Variants in NFIB observed in about 807,000 individuals in gnomAD.
The protein encoded by NFIB is nuclear factor 1 B-type.
A neutral mutation model predicts 61.5 loss-of-function variants in NFIB; 11 were observed. That is an observed-to-expected ratio of 0.18 (90% CI 0.11 to 0.30). The LOEUF (loss-of-function observed/expected upper bound fraction) is 0.30, where lower values mean the gene tolerates loss of function less well. Among genes scored for constraint, NFIB ranks in the 10% least tolerant of loss-of-function variants. The pLI, the probability that NFIB is intolerant of heterozygous loss-of-function variation, is 1.00. For missense variants in NFIB, 471 were observed against 608.9 expected, an observed-to-expected ratio of 0.77 and a Z score of 2.38; for synonymous variants, 260 against 216.5, an observed-to-expected ratio of 1.20 and a Z score of -1.76.
chr9:14,278,473 G>A (rs1384118346), intron 2 of NFIB, among the ~76,000 whole-genome samples: 2 of 152,126 alleles, frequency 1.3e-5, no homozygotes, highest in South Asian at 2.1e-4. Flanking sequence ...TCTGAAACAT[G>A]TGGAAATCAA....
At chr9:14,457,411 G>A in the NFIB span, among the ~76,000 whole-genome samples, 4 of 152,078 alleles carry the variant, frequency 2.6e-5, no homozygotes, top group African/African-American at 4.8e-5. Flanking sequence ...GAGAAAGCAG[G>A]AAAGATCTAA....
At chr9:14,464,234 A>G in the NFIB span, among the ~76,000 whole-genome samples, 2 of 152,164 alleles carry the variant, frequency 1.3e-5, no homozygotes, top group African/African-American at 2.4e-5. Flanking sequence ...CCACTATCTC[A>G]TTTATGTATG....
In NFIB at chr9:14,246,271, A is replaced by G. The variant is rs114249399; in HGVS notation, c.562+60718T>C. Among the ~76,000 whole-genome samples the G allele has an allele frequency of 3.3e-3, 498 of 152,216 alleles. 4 individuals are homozygous for G. Among genetic ancestry groups the G allele is most frequent in the African/African-American group, 0.012 (482 of 41,544 alleles). On this transcript the variant is annotated intron_variant, in intron 2 of 10. Coordinates refer to ENST00000380953, the MANE Select transcript of NFIB (RefSeq NM_001190737.2). ...TAAAATCCAATACCTTGCATTGGCA[A>G]GGCACTGGTATTCTAAACTCCGACC...
intron 3 of NFIB, among the ~76,000 whole-genome samples, chr9:14,169,734 C>A (rs1179809158): frequency 6.6e-6 from 1 of 152,196 alleles, no homozygotes; most frequent in African/African-American, 2.4e-5. Context: ...AGGAGAATTG[C>A]TTGAACCTGG....
chr9:14,434,051 C>A, the NFIB span, among the ~76,000 whole-genome samples: 12 of 152,276 alleles, frequency 7.9e-5, no homozygotes, highest in East Asian at 2.3e-3. Context: ...TCTCTAAGAG[C>A]TATTGCAATA....
intron 2 of NFIB, among the ~76,000 whole-genome samples, chr9:14,283,555 C>T (rs2058517910): frequency 6.6e-6 from 1 of 152,226 alleles, no homozygotes; most frequent in Non-Finnish European, 1.5e-5. Context: ...GGACAATGGA[C>T]TCCTCTTTCA....
At chr9:14,177,452 C>A (rs1173576274) in intron 3 of NFIB, among the ~76,000 whole-genome samples, 2 of 152,034 alleles carry the variant, frequency 1.3e-5, no homozygotes, top group African/African-American at 2.4e-5. Context: ...ATAAAAAATT[C>A]TTTAATAATC....
intron 2 of NFIB, among the ~76,000 whole-genome samples, chr9:14,256,108 C>T (rs978499511): frequency 3.3e-5 from 5 of 152,204 alleles, no homozygotes; most frequent in African/African-American, 1.2e-4. Flanking sequence ...TATGCAGCTT[C>T]TGTTTTACCA....
the NFIB span, among the ~76,000 whole-genome samples, chr9:14,529,262 C>T: frequency 6.6e-6 from 1 of 152,100 alleles, no homozygotes; most frequent in Non-Finnish European, 1.5e-5. Context: ...TGATCATTGT[C>T]ACACAATAAG....
At chr9:14,264,499 G>A (rs2057035649) in intron 2 of NFIB, among the ~76,000 whole-genome samples, 1 of 152,132 alleles carries the variant, frequency 6.6e-6, no homozygotes, top group Non-Finnish European at 1.5e-5. Context: ...GAGCATTTAG[G>A]TGAGAAAAAG....
intron 2 of NFIB, among the ~76,000 whole-genome samples, chr9:14,267,969 C>CT (rs1229670634): frequency 6.6e-6 from 1 of 151,876 alleles, no homozygotes; most frequent in Admixed American, 6.6e-5. Flanking sequence ...CCCATCTCTA[C>CT]AAAAATACAA....
intron 6 of NFIB, among the ~76,000 whole-genome samples, chr9:14,131,562 T>G (rs7024670): frequency 0.085 from 12,940 of 152,198 alleles, 1,819 homozygotes; most frequent in African/African-American, 0.29. Flanking sequence ...TTGCACAAAT[T>G]GCGCTCCAGA....
intron 2 of NFIB, among the ~76,000 whole-genome samples, chr9:14,260,542 A>C (rs1361375923): frequency 1.3e-5 from 2 of 152,214 alleles, no homozygotes; most frequent in African/African-American, 4.8e-5. Flanking sequence ...GCTTCAAATA[A>C]TAGGAACTTT....
At chr9:14,118,770 T>C (rs1313794214) in intron 8 of NFIB, among the ~76,000 whole-genome samples, 3 of 105,792 alleles carry the variant, frequency 2.8e-5, no homozygotes, top group African/African-American at 6.4e-5. Context: ...TTCTTTTTCT[T>C]TTTTTTTTTT....
the NFIB span, among the ~76,000 whole-genome samples, chr9:14,424,761 T>C: frequency 2.6e-5 from 4 of 152,102 alleles, no homozygotes; most frequent in Non-Finnish European, 5.9e-5. Flanking sequence ...CGAAACAGGC[T>C]CTATGGAGAG....
chr9:14,374,673 G>A (rs575762373), intron 1 of NFIB, among the ~76,000 whole-genome samples: 1 of 152,348 alleles, frequency 6.6e-6, no homozygotes, highest in South Asian at 2.1e-4. Context: ...ACTTTGTGAG[G>A]CTGAAGCGGG....
At chr9:14,388,357 A>G (rs1446327013) in intron 1 of NFIB, among the ~76,000 whole-genome samples, 8 of 92,048 alleles carry the variant, frequency 8.7e-5, no homozygotes, top group African/African-American at 2.8e-4. Flanking sequence ...CTTTTCAAAA[A>G]GAGAAAGAAA....
the NFIB span, among the ~76,000 whole-genome samples, chr9:14,452,753 G>C: frequency 6.6e-6 from 1 of 152,210 alleles, no homozygotes; most frequent in Non-Finnish European, 1.5e-5. Flanking sequence ...TAGGCAGATG[G>C]TTATCAAATG....
At chr9:14,397,194 CTG>C (rs2061695788) in intron 1 of NFIB, among the ~76,000 whole-genome samples, 1 of 152,136 alleles carries the variant, frequency 6.6e-6, no homozygotes, top group Non-Finnish European at 1.5e-5. Context: ...AAAAGCAAAA[CTG>C]AACCTTAACA....
Sources: gnomAD v4.1 joint callset for allele counts (sites outside exome capture counted in the v4.1 genomes callset) on GRCh38, gnomAD v4.1.1 for gene constraint, MANE v1.5 for transcripts, NCBI Gene and HGNC (gene_info 2026-07-23, HGNC 2026-07-21) for gene names.